MCF2L: variants seen among roughly 807,000 people sequenced by gnomAD.
The protein encoded by MCF2L is guanine nucleotide exchange factor DBS.
In MCF2L, 97 loss-of-function variants were observed where a neutral mutation model predicts 153.4. That is an observed-to-expected ratio of 0.63 (90% CI 0.54 to 0.75). The LOEUF (loss-of-function observed/expected upper bound fraction) is 0.75. MCF2L is among the 30% of genes least tolerant of loss of function. MCF2L has a pLI of 0.00. For missense variants in MCF2L, 1,347 were observed against 1,495.2 expected (o/e 0.90, Z 1.64); for synonymous variants, 659 against 632.2 (o/e 1.04, Z -0.64).
chr13:112,907,552 G>A lies in MCF2L; in HGVS notation c.169+5181G>A, dbSNP rs757606736. On this transcript the variant is annotated intron_variant, in intron 2 of 29. Transcript: ENST00000375608. This position sits in a 1 kb window ranked among gnomAD's most constrained non-coding sequence, Gnocchi z 5.1. The stretch of plus-strand genomic sequence containing the variant: ...TTGCAGGGGCTGTAGTTGTGCATTC[G>A]TGAATCTGACGGGGGAAGATGTGTT... Among the ~76,000 whole-genome samples the A allele has an allele frequency of 2.6e-5, 4 of 152,144 alleles. No individual in the cohort carries two copies. Among genetic ancestry groups the A allele is most frequent in the African/African-American group, 4.8e-5 (2 of 41,432 alleles).
At chr13:113,078,583 G>C in intron 14 of MCF2L, 83 bp from the exon 15 acceptor site, 2 of 1,435,320 alleles carry the variant, frequency 1.4e-6, no homozygotes. Context: ...GTCCCCATAC[G>C]GGAACTGGTG....
chr13:112,999,502 C>T (rs1452474910), intron 1 of MCF2L, among the ~76,000 whole-genome samples: 4 of 152,198 alleles, frequency 2.6e-5, no homozygotes, highest in Admixed American at 6.5e-5. Flanking sequence ...TCCTCTTTTT[C>T]GGCTGATCTT....
rs2081694823 is a variant in MCF2L, at chr13:112,951,623, A to G, written c.169+49252A>G. Among the ~76,000 whole-genome samples the G allele has an allele frequency of 6.6e-6, 1 of 152,156 alleles. No homozygotes were observed. The highest frequency in any genetic ancestry group is 2.1e-4 in the South Asian group (1 of 4,828). On this transcript the variant is annotated intron_variant, in intron 2 of 29. Transcript: ENST00000375608. The surrounding 1 kb of genome is among the most constrained non-coding windows in gnomAD (Gnocchi z 4.8). ...AACATTCTTGAAATGGCAAAAGTGT[A>G]GCTGTGGAGAATAGTTCAGTGGTTG...
At position 113,078,360 on chromosome 13, in the gene MCF2L, C is replaced by A; in HGVS notation, c.1661-3C>A. ...CATGCCCCGCTCCCCTTCTTCCCAA[C>A]AGGCATTCGGCGAGGCTCTGAGAAC... On this transcript the variant is annotated splice_region_variant and splice_polypyrimidine_tract_variant and intron_variant, in intron 13 of 29. Coordinates refer to ENST00000535094, the MANE Select transcript of MCF2L (RefSeq NM_001112732.3). 6.2e-7 allele frequency: 1 copy of A among 1,612,928 alleles called. No homozygotes were observed. Among genetic ancestry groups the A allele is most frequent in the East Asian group, 2.2e-5 (1 of 44,862 alleles).
chr13:112,920,371 G>T (rs2081339952), intron 2 of MCF2L, among the ~76,000 whole-genome samples: 1 of 152,102 alleles, frequency 6.6e-6, no homozygotes, highest in South Asian at 2.1e-4. Flanking sequence ...GTTGCTGCTG[G>T]CTTGTGTGTG....
chr13:113,097,238 G>A lies in MCF2L; in HGVS notation c.*379G>A, dbSNP rs916657754. ...AGGATCCTCTGGCCAACGGCCTGAG[G>A]AGAGCGGGGCACGGGGTCTCTTTAG... is the stretch of plus-strand genomic sequence containing the variant. On this transcript the variant is annotated 3_prime_UTR_variant, in exon 30 of 30. Transcript: ENST00000535094. The A allele has an allele frequency of 1.3e-4, 28 of 208,186 alleles. No individual in the cohort carries two copies. Among genetic ancestry groups the A allele is most frequent in the Non-Finnish European group, 2.0e-4 (21 of 104,592 alleles). The allele number at this position is 208,186 out of a possible 1,614,324, so 12.9% of individuals were successfully genotyped here.
chr13:113,044,349 G>C lies in MCF2L; in HGVS notation c.279-922G>C, dbSNP rs150351922. 770 of 334,972 alleles carry C rather than the reference G, an allele frequency of 2.3e-3. 5 individuals carry two copies. The highest frequency in any genetic ancestry group is 0.016 in the African/African-American group (734 of 46,970). The allele number at this position is 334,972 out of a possible 1,614,324, so 20.7% of individuals were successfully genotyped here. The stretch of plus-strand genomic sequence containing the variant: ...AGTTGCTGTTTCTGTCTTTAAATCC[G>C]AGCGTCAGAAGGATCTGAGACACCC... On this transcript the variant is annotated intron_variant, in intron 3 of 29. Coordinates refer to ENST00000535094, the MANE Select transcript of MCF2L (RefSeq NM_001112732.3).
chr13:113,010,860 G>A (rs1450573729), intron 1 of MCF2L, among the ~76,000 whole-genome samples: 1 of 152,238 alleles, frequency 6.6e-6, no homozygotes, highest in African/African-American at 2.4e-5. Flanking sequence ...GAGCCCCACA[G>A]AGGCCATGCT....
At chr13:113,052,393 G>A (rs2087406709) in intron 4 of MCF2L, 1 of 154,790 alleles carries the variant, frequency 6.5e-6, no homozygotes, top group African/African-American at 2.4e-5. Flanking sequence ...GATAAACCCA[G>A]AGCCAGGCCT....
At chr13:112,915,896 A>AT (rs1448481251) in intron 2 of MCF2L, among the ~76,000 whole-genome samples, 4 of 151,870 alleles carry the variant, frequency 2.6e-5, no homozygotes, top group Admixed American at 2.6e-4. Context: ...TGTTGTTTTA[A>AT]TTTTTTAAAA....
rs2086083953 is a variant in MCF2L, at chr13:113,035,280, C to A, written c.279-9991C>A. On this transcript the variant is annotated intron_variant, in intron 3 of 29. Coordinates refer to ENST00000535094, the MANE Select transcript of MCF2L (RefSeq NM_001112732.3). This position sits in a 1 kb window ranked among gnomAD's most constrained non-coding sequence, Gnocchi z 4.4. Reference sequence around the variant, plus strand: ...ACTACCATGTAGTGCACTTATGAATCGTGCATATTTTACTCTAAGGCCTGT... The same window carrying A: ...ACTACCATGTAGTGCACTTATGAATAGTGCATATTTTACTCTAAGGCCTGT... Among the ~76,000 whole-genome samples the A allele has an allele frequency of 6.6e-6, 1 of 152,196 alleles. No individual in the cohort carries two copies. Among genetic ancestry groups the A allele is most frequent in the South Asian group, 2.1e-4 (1 of 4,828 alleles).
intron 2 of MCF2L, among the ~76,000 whole-genome samples, chr13:112,948,101 G>A (rs1262983668): frequency 6.6e-6 from 1 of 152,216 alleles, no homozygotes; most frequent in Non-Finnish European, 1.5e-5. Context: ...CAGTGAGGTT[G>A]CATGGGTGTC....
At position 113,054,604 on chromosome 13, in the gene MCF2L, T is replaced by A. The variant is rs376223271; in HGVS notation, c.370-5989T>A. 1 of 152,310 alleles carries A rather than the reference T, an allele frequency of 6.6e-6. No individual in the cohort carries two copies. The highest frequency in any genetic ancestry group is 2.4e-5 in the African/African-American group (1 of 41,450). The allele number at this position is 152,310 out of a possible 1,614,324, so 9.4% of individuals were successfully genotyped here. ...GTCAGACAAATGTAGTTGGTGAGGTTTCAGTTGCTCTGAAATTAAATATAT... is the reference window on the plus strand; with the variant it reads ...GTCAGACAAATGTAGTTGGTGAGGTATCAGTTGCTCTGAAATTAAATATAT... On this transcript the variant is annotated intron_variant, in intron 4 of 29. Transcript: ENST00000535094. This position sits in a 1 kb window ranked among gnomAD's most constrained non-coding sequence, Gnocchi z 5.2.
intron 1 of MCF2L, among the ~76,000 whole-genome samples, chr13:112,998,225 G>A (rs966622543): frequency 6.6e-6 from 1 of 152,208 alleles, no homozygotes; most frequent in Non-Finnish European, 1.5e-5. Flanking sequence ...AATAAAGCAC[G>A]AAGTCTCCTC....
At chr13:113,016,803 A>T (rs761305850) in intron 2 of MCF2L, among the ~76,000 whole-genome samples, 22 of 152,006 alleles carry the variant, frequency 1.4e-4, no homozygotes, top group Non-Finnish European at 2.9e-4. Flanking sequence ...GCCCTCGTAC[A>T]TGCCCTCTCC....
chr13:112,999,853 A>G (rs2083287542), intron 1 of MCF2L, among the ~76,000 whole-genome samples: 1 of 152,210 alleles, frequency 6.6e-6, no homozygotes, highest in Non-Finnish European at 1.5e-5. Flanking sequence ...TGCTTCGGAC[A>G]TTAGAGTCGG....
At chr13:112,998,996 C>T (rs918483517) in intron 1 of MCF2L, among the ~76,000 whole-genome samples, 1 of 152,166 alleles carries the variant, frequency 6.6e-6, no homozygotes, top group Non-Finnish European at 1.5e-5. Flanking sequence ...CAGCCATGGC[C>T]ACAGCGATGA....
intron 3 of MCF2L, among the ~76,000 whole-genome samples, chr13:113,026,572 G>A (rs562348063): frequency 3.9e-5 from 6 of 152,320 alleles, no homozygotes; most frequent in South Asian, 4.1e-4. Context: ...ATGCCTGTTC[G>A]ATCAGCAGAG....
rs889726228 is a variant in MCF2L, at chr13:112,932,212, C to T, written c.169+29841C>T. 2.7e-5 allele frequency among the ~76,000 whole-genome samples: 4 copies of T among 148,262 alleles called. No individual in the cohort carries two copies. Among genetic ancestry groups the T allele is most frequent in the African/African-American group, 1.0e-4 (4 of 40,112 alleles). Reference sequence around the variant, plus strand: ...CACCGATGGCGACCAGGCGTGTAGACTCGTGCCCTGGGTAAGGCGTGACCG... The same window carrying T: ...CACCGATGGCGACCAGGCGTGTAGATTCGTGCCCTGGGTAAGGCGTGACCG... On this transcript the variant is annotated intron_variant, in intron 2 of 29. Transcript: ENST00000375608. The surrounding 1 kb of genome is among the most constrained non-coding windows in gnomAD (Gnocchi z 4.6).
Sources: gnomAD v4.1 joint callset for allele counts (sites outside exome capture counted in the v4.1 genomes callset) on GRCh38, gnomAD v4.1.1 for gene constraint, Gnocchi (gnomAD v3.1) non-coding constraint, MANE v1.5 for transcripts, NCBI Gene and HGNC (gene_info 2026-07-23, HGNC 2026-07-21) for gene names.